AFF1: variants seen among roughly 807,000 people sequenced by gnomAD.
AFF1 encodes ALF transcription elongation factor 1.
AFF1 carries 48 observed loss-of-function variants against 121.7 expected under a neutral mutation model. That is an observed-to-expected ratio of 0.39 (90% CI 0.31 to 0.50). AFF1 has a LOEUF of 0.50. AFF1 is among the 20% of genes least tolerant of loss of function. The pLI, the probability that AFF1 is intolerant of heterozygous loss-of-function variation, is 0.76. For synonymous variants in AFF1, 613 were observed against 563.0 expected, an observed-to-expected ratio of 1.09 and a Z score of -1.26; for missense variants, 1,523 against 1,511.7, an observed-to-expected ratio of 1.01 and a Z score of -0.12.
intron 2 of AFF1, 91 bp from the exon 3 acceptor site, chr4:87,046,075 C>A: frequency 6.7e-7 from 1 of 1,487,700 alleles, no homozygotes; most frequent in South Asian, 1.2e-5. Context: ...CAGACCTGTC[C>A]TCACCTCCCT....
At chr4:87,105,048 G>T (rs1448630846) in intron 8 of AFF1, among the ~76,000 whole-genome samples, 3 of 152,220 alleles carry the variant, frequency 2.0e-5, no homozygotes, top group African/African-American at 7.2e-5. Context: ...TAACTGCACT[G>T]TTGGGTGATG....
intron 2 of AFF1, among the ~76,000 whole-genome samples, chr4:86,971,243 C>T (rs1041747008): frequency 6.6e-6 from 1 of 152,130 alleles, no homozygotes; most frequent in African/African-American, 2.4e-5. Flanking sequence ...GTGGCAACTT[C>T]GGTGCTCTGT....
In AFF1 at chr4:87,127,631, C is replaced by T. The variant is rs749110817; in HGVS notation, c.2904-12C>T. On this transcript the variant is annotated splice_polypyrimidine_tract_variant and intron_variant, in intron 15 of 20. Transcript: ENST00000395146. ...CTCATATGACCTGTCCCTGGTTTTT[C>T]CTCTTTTTCAGACAACAAGCAGACC... The T allele has an allele frequency of 6.2e-7, 1 of 1,613,740 alleles. No homozygotes were observed. The highest frequency in any genetic ancestry group is 1.7e-5 in the Admixed American group (1 of 59,936).
intron 2 of AFF1, among the ~76,000 whole-genome samples, chr4:86,978,157 CTTA>C (rs555220529): frequency 0.04 from 848 of 21,312 alleles, 8 homozygotes; most frequent in Non-Finnish European, 0.15. Flanking sequence ...GCTTACTTCT[CTTA>C]CTTCTCATTA....
In AFF1 at chr4:87,134,670, G is replaced by A. The variant is rs745670784; in HGVS notation, c.3511G>A (p.Glu1171Lys). ...CGCCTTTGACCTTTGGGAACAGGCC[G>A]AGGCCCTCACGAGGAAGAATAAAGG... ...LTAFDLWEQA[E>K]ALTRKNKEFF... Residue 1171 changes from glutamate to lysine, a missense_variant, in exon 20 of 21, where the codon GAG (glutamate) becomes AAG (lysine). Transcript: ENST00000395146. The A allele has an allele frequency of 3.1e-6, 5 of 1,613,800 alleles. No individual in the cohort carries two copies. The highest frequency in any genetic ancestry group is 1.1e-5 in the South Asian group (1 of 91,090).
In AFF1 at chr4:87,084,234, C is replaced by T; in HGVS notation, c.1104+70C>T. On this transcript the variant is annotated intron_variant, in intron 5 of 20. Transcript: ENST00000395146. ...AGGTAGGCGTACATCCATTTACTTT[C>T]ACTTTAAAGAACAGTTGCCATTGGC... 2.0e-6 allele frequency: 3 copies of T among 1,523,412 alleles called. No homozygotes were observed. The South Asian group carries it at 3.4e-5, about 17-fold the overall frequency. 94.4% of individuals were successfully genotyped at this position (1,523,412 alleles called of 1,614,324 possible).
intron 2 of AFF1, among the ~76,000 whole-genome samples, chr4:86,960,328 G>A (rs1722059849): frequency 6.6e-6 from 1 of 152,182 alleles, no homozygotes; most frequent in African/African-American, 2.4e-5. Flanking sequence ...TTGAAGTGCA[G>A]TGGGTTCCGC....
At chr4:87,028,365 A>G (rs1728740060) in intron 2 of AFF1, among the ~76,000 whole-genome samples, 1 of 151,868 alleles carries the variant, frequency 6.6e-6, no homozygotes, top group Non-Finnish European at 1.5e-5. Context: ...GTACTGGCCC[A>G]TTTTGACAGT....
chr4:87,134,415 T>TCC, intron 19 of AFF1, 56 bp from the exon 20 acceptor site: 3 of 1,449,178 alleles, frequency 2.1e-6, no homozygotes, highest in Non-Finnish European at 1.9e-6. Context: ...AAATCTGTGA[T>TCC]CCAGGGGTCT....
rs889980574 is a variant in AFF1, at chr4:87,011,415, T to C, written c.39-34751T>C. On this transcript the variant is annotated intron_variant, in intron 2 of 20. Coordinates refer to ENST00000395146, the MANE Select transcript of AFF1 (RefSeq NM_001166693.3). ...GGTTTTTGGTGGATCTCTTTGACTC[T>C]AGGGAGGGAAAGTTTTCCATTGCAA... Among the ~76,000 whole-genome samples the C allele has an allele frequency of 2.0e-5, 3 of 152,196 alleles. No individual in the cohort carries two copies. In the East Asian group the frequency reaches 5.8e-4, roughly 29 times the overall value.
intron 2 of AFF1, among the ~76,000 whole-genome samples, chr4:86,951,623 C>CTTTTTTTTTTTTTTTTTTTTTTTT (rs1285365564): frequency 1.4e-5 from 1 of 69,418 alleles, no homozygotes; most frequent in African/African-American, 4.6e-5. Flanking sequence ...TTCTTTTTTT[C>CTTTTTTTTTTTTTTTTTTTTTTTT]TTTTTTTTTT....
chr4:87,104,096 A>G (rs1487629474), intron 8 of AFF1, among the ~76,000 whole-genome samples: 2 of 152,130 alleles, frequency 1.3e-5, no homozygotes, highest in Non-Finnish European at 2.9e-5. Context: ...TGAAGGCTAT[A>G]TTTTCTAGCC....
chr4:87,033,386 A>G (rs1423558917), intron 2 of AFF1, among the ~76,000 whole-genome samples: 9 of 152,122 alleles, frequency 5.9e-5, no homozygotes, highest in South Asian at 2.1e-4. Flanking sequence ...TTCTTATTGT[A>G]TGTGGTGCAA....
chr4:87,015,205 ATGTTTTCC>A (rs1727178943), intron 2 of AFF1, among the ~76,000 whole-genome samples: 1 of 152,168 alleles, frequency 6.6e-6, no homozygotes, highest in African/African-American at 2.4e-5. Flanking sequence ...AGCTATAGGA[ATGTTTTCC>A]TGTTACTCAT....
chr4:86,987,715 G>T (rs548627967), intron 2 of AFF1, among the ~76,000 whole-genome samples: 1 of 152,192 alleles, frequency 6.6e-6, no homozygotes, highest in Non-Finnish European at 1.5e-5. Context: ...GCACTTGGGA[G>T]GCCGAGGCGG....
intron 2 of AFF1, among the ~76,000 whole-genome samples, chr4:86,981,583 G>C (rs534828329): frequency 3.3e-3 from 506 of 152,180 alleles, no homozygotes; most frequent in African/African-American, 0.011. Flanking sequence ...TGACCAGGCT[G>C]GTCTCAAACT....
At chr4:87,097,893 C>T (rs1725026331) in intron 8 of AFF1, among the ~76,000 whole-genome samples, 1 of 152,136 alleles carries the variant, frequency 6.6e-6, no homozygotes, top group African/African-American at 2.4e-5. Flanking sequence ...TCTCTTAGTG[C>T]TCGCGGGTTG....
chr4:86,985,178 T>TATATATATATATA (rs1255880379), intron 2 of AFF1, among the ~76,000 whole-genome samples: 4 of 93,180 alleles, frequency 4.3e-5, no homozygotes, highest in East Asian at 4.0e-4. Flanking sequence ...ATAATATGTA[T>TATATATATATATA]TACTATATAT....
Position 87,131,215 on chromosome 4 carries a change from A to G in AFF1, c.3097A>G (p.Ile1033Val), listed in dbSNP as rs776870672. 9.4e-6 allele frequency: 15 copies of G among 1,597,776 alleles called. No homozygotes were observed. Among genetic ancestry groups the G allele is most frequent in the Non-Finnish European group, 1.3e-5 (15 of 1,165,870 alleles). ...YSVYSETVDL[I>V]KFIMSLKSFS... ...TGTCTACTCAGAAACTGTAGATCTC[A>G]TTAAGTAAGTGCCGAGTCATTGTGC... The change falls in exon 17 of 21, where the codon ATT (isoleucine) becomes GTT (valine). Residue 1033 changes from isoleucine (I) to valine (V), a missense_variant. This residue lies in a region of AFF1 where 241 missense variants were observed against 265.2 expected (regional missense o/e 0.91). Coordinates refer to ENST00000395146, the MANE Select transcript of AFF1 (RefSeq NM_001166693.3).
Sources: allele counts gnomAD v4.1 joint callset (sites outside exome capture counted in the v4.1 genomes callset), GRCh38; gene constraint gnomAD v4.1.1; regional missense constraint gnomAD v4.1.1; transcripts MANE v1.5; gene names NCBI Gene and HGNC (gene_info 2026-07-23, HGNC 2026-07-21).